The following MAST2 variants were observed in gnomAD, a reference collection of about 807,000 sequenced individuals.
MAST2 encodes microtubule-associated serine/threonine-protein kinase 2.
A neutral mutation model predicts 147.4 loss-of-function variants in MAST2; 70 were observed. That is an observed-to-expected ratio of 0.47 (90% confidence interval 0.39 to 0.58). The LOEUF is 0.58. Among genes scored for constraint, MAST2 ranks in the 20% least tolerant of loss-of-function variants. The probability of loss-of-function intolerance (pLI) is 0.00; values close to 1 mark genes in which losing one functional copy is unlikely to be tolerated. For missense variants in MAST2, 2,080 were observed against 2,302.3 expected, an observed-to-expected ratio of 0.90 and a Z score of 1.98; for synonymous variants, 869 against 896.8, an observed-to-expected ratio of 0.97 and a Z score of 0.55.
chr1:45,955,907 T>A (rs1224367330), intron 4 of MAST2, among the ~76,000 whole-genome samples: 1 of 152,178 alleles, frequency 6.6e-6, no homozygotes, highest in African/African-American at 2.4e-5. Flanking sequence ...TGTATAGTTT[T>A]ATTGAGGTAT....
At chr1:46,022,304 T>C (rs4660336) in intron 12 of MAST2, among the ~76,000 whole-genome samples, 100,536 of 152,124 alleles carry the variant, frequency 0.66, 33,612 homozygotes, top group Non-Finnish European at 0.71. Flanking sequence ...TGGATTGCAT[T>C]GGCCCGGCTG....
In MAST2 at chr1:46,023,470, G is replaced by A; in HGVS notation, c.1571+152G>A. On this transcript the variant is annotated intron_variant, in intron 14 of 28. Coordinates refer to ENST00000361297, the MANE Select transcript of MAST2 (RefSeq NM_015112.3). The surrounding 1 kb of genome is among the most constrained non-coding windows in gnomAD (Gnocchi z 4.9). ...AGCCTCCTGGGTGGGCAGGAGTTCAGATTCCTCTGACATCCGATCATTGTT... is the reference window on the plus strand; with the variant it reads ...AGCCTCCTGGGTGGGCAGGAGTTCAAATTCCTCTGACATCCGATCATTGTT... The A allele has an allele frequency of 1.4e-6, 1 of 693,312 alleles. No individual in the cohort carries two copies. Among genetic ancestry groups the A allele is most frequent in the Non-Finnish European group, 2.5e-6 (1 of 396,272 alleles). The allele number at this position is 693,312 out of a possible 1,614,324, so 42.9% of individuals were successfully genotyped here. A position where few individuals can be genotyped will look rare whatever the true frequency, so the allele number is the denominator to read the frequency against.
chr1:46,006,622 A>G (rs1486744182), intron 8 of MAST2: 3 of 339,454 alleles, frequency 8.8e-6, no homozygotes, highest in South Asian at 1.2e-4. Context: ...GTAGCAGGCC[A>G]TAGTTAGTCT....
intron 4 of MAST2, among the ~76,000 whole-genome samples, chr1:45,949,801 A>G (rs540367880): frequency 2.0e-5 from 3 of 152,316 alleles, no homozygotes; most frequent in South Asian, 4.1e-4. Context: ...CACATTAGCA[A>G]AGACATGGAA....
At chr1:45,991,075 A>G (rs1344250243) in intron 5 of MAST2, among the ~76,000 whole-genome samples, 1 of 152,178 alleles carries the variant, frequency 6.6e-6, no homozygotes, top group Non-Finnish European at 1.5e-5. Flanking sequence ...AATTTTTGTA[A>G]AAGGTTGTAT....
At chr1:45,935,434 A>G (rs548501532) in intron 4 of MAST2, among the ~76,000 whole-genome samples, 5 of 152,104 alleles carry the variant, frequency 3.3e-5, no homozygotes, top group African/African-American at 9.6e-5. Flanking sequence ...TTCTGTTGCA[A>G]TTGCTTTTGG....
Position 46,016,306 on chromosome 1 carries a change from A to G in MAST2, c.1189-3290A>G, listed in dbSNP as rs1002271629. 6.0e-4 allele frequency among the ~76,000 whole-genome samples: 91 copies of G among 150,612 alleles called. 1 individual carries two copies. Among genetic ancestry groups the G allele is most frequent in the African/African-American group, 2.1e-3 (86 of 40,916 alleles). ...TGCCCTCTCTGACCACTCCTATTCA[A>G]CATAGTTTTGGAAGTTCTGGCCAGG... On this transcript the variant is annotated intron_variant, in intron 10 of 28. Transcript: ENST00000361297.
intron 1 of MAST2, among the ~76,000 whole-genome samples, chr1:45,813,521 G>A (rs567467003): frequency 7.3e-6 from 1 of 137,900 alleles, no homozygotes; most frequent in African/African-American, 2.7e-5. Flanking sequence ...TTTTTGAGAC[G>A]AAGTTTTGCT....
At chr1:45,807,477 C>T (rs1325294006) in intron 1 of MAST2, among the ~76,000 whole-genome samples, 2 of 151,768 alleles carry the variant, frequency 1.3e-5, no homozygotes, top group Non-Finnish European at 2.9e-5. Flanking sequence ...TTCCTTAGCT[C>T]TACATTTCCA....
In MAST2 at chr1:46,028,914, C is replaced by T. The variant is rs1418911119; in HGVS notation, c.2199C>T (p.Leu733=). 1 of 1,600,282 alleles carries T rather than the reference C, an allele frequency of 6.2e-7. No individual in the cohort carries two copies. Among genetic ancestry groups the T allele is most frequent in the South Asian group, 1.1e-5 (1 of 88,236 alleles). Residue 733 remains leucine, a synonymous_variant, in exon 18 of 29, where the codon CTC becomes CTT. Coordinates refer to ENST00000361297, the MANE Select transcript of MAST2 (RefSeq NM_015112.3). ...TTTTTGGAGATACTCCGGAGGAGCT[C>T]TTTGGGCAGGTGATCAGTGGTAGGT... The part of the protein sequence containing the change: ...VPFFGDTPEE[L]FGQVISDEIV...
At position 46,022,950 on chromosome 1, in the gene MAST2, A is replaced by G. The variant is rs755058784; in HGVS notation, c.1464A>G (p.Pro488=). 2.5e-6 allele frequency: 4 copies of G among 1,614,140 alleles called. No homozygotes were observed. Among genetic ancestry groups the G allele is most frequent in the Non-Finnish European group, 3.4e-6 (4 of 1,179,980 alleles). Residue 488 remains proline (P), a synonymous_variant, in exon 13 of 29, where the codon CCA becomes CCG. Coordinates refer to ENST00000361297, the MANE Select transcript of MAST2 (RefSeq NM_015112.3). Reference sequence around the variant, plus strand: ...GCAGCTGTGACAGTCCTGACACTCCAGAGACAGATGATTCTATTGAGGTAA... The same window carrying G: ...GCAGCTGTGACAGTCCTGACACTCCGGAGACAGATGATTCTATTGAGGTAA... ...QLSSCDSPDT[P]ETDDSIEGHG...
Position 46,022,008 on chromosome 1 carries a change from A to T in MAST2, c.1349A>T (p.Glu450Val), listed in dbSNP as rs773913950. Residue 450 changes from glutamate to valine, a missense_variant, in exon 12 of 29, where the codon GAG becomes GTG. Coordinates refer to ENST00000361297, the MANE Select transcript of MAST2 (RefSeq NM_015112.3). ...LLEAAEGHAKEGQGIKCDIPR... is the reference protein window; with the variant it reads ...LLEAAEGHAKVGQGIKCDIPR... ...GAAGCAGCTGAGGGCCACGCCAAAG[A>T]GGGACAAGGGATTAAATGTGACATT... 52 of 1,614,080 alleles carry T rather than the reference A, an allele frequency of 3.2e-5. No individual in the cohort carries two copies. The highest frequency in any genetic ancestry group is 4.3e-5 in the Non-Finnish European group (51 of 1,180,036).
chr1:45,976,452 C>A (rs1157574949), intron 5 of MAST2, among the ~76,000 whole-genome samples: 1 of 152,136 alleles, frequency 6.6e-6, no homozygotes, highest in Non-Finnish European at 1.5e-5. Context: ...CAAAAATTAT[C>A]CAGGCATAGT....
At chr1:45,913,863 C>T (rs902907167) in intron 4 of MAST2, 2 of 1,243,998 alleles carry the variant, frequency 1.6e-6, no homozygotes, top group East Asian at 6.9e-5. Flanking sequence ...ACTGGGAGCA[C>T]CATGTCTGCG....
chr1:45,954,887 AAT>A (rs1175178509), intron 4 of MAST2, among the ~76,000 whole-genome samples: 1 of 152,246 alleles, frequency 6.6e-6, no homozygotes, highest in African/African-American at 2.4e-5. Flanking sequence ...ATGAAGCTGG[AAT>A]TAATTATCCG....
At chr1:45,846,754 G>A (rs1442475406) in intron 3 of MAST2, among the ~76,000 whole-genome samples, 4 of 151,824 alleles carry the variant, frequency 2.6e-5, no homozygotes, top group African/African-American at 9.7e-5. Flanking sequence ...GAACCTGGGA[G>A]GCAGAGGTTG....
chr1:45,881,286 C>A (rs1473367418), intron 3 of MAST2, among the ~76,000 whole-genome samples: 5 of 152,156 alleles, frequency 3.3e-5, no homozygotes, highest in Non-Finnish European at 5.9e-5. Flanking sequence ...ATAGACTGGA[C>A]CACTGTCTGA....
rs1212909665 is a variant in MAST2, at chr1:45,803,646, G to A, written c.-250G>A. The A allele has an allele frequency of 1.5e-5, 4 of 275,036 alleles. No individual in the cohort carries two copies. Among genetic ancestry groups the A allele is most frequent in the African/African-American group, 8.9e-5 (4 of 44,740 alleles). The allele number at this position is 275,036 out of a possible 1,614,324, so 17.0% of individuals were successfully genotyped here. On this transcript the variant is annotated 5_prime_UTR_variant, in exon 1 of 29. Coordinates refer to ENST00000361297, the MANE Select transcript of MAST2 (RefSeq NM_015112.3). Reference sequence around the variant, plus strand: ...CGGCTGAGCCGGCGGCGGGTGGCCTGCCCAACGTGTGCTGGGTGGGAGAAG... The same window carrying A: ...CGGCTGAGCCGGCGGCGGGTGGCCTACCCAACGTGTGCTGGGTGGGAGAAG...
intron 3 of MAST2, among the ~76,000 whole-genome samples, chr1:45,835,488 A>G (rs1645077242): frequency 6.6e-6 from 1 of 152,186 alleles, no homozygotes; most frequent in African/African-American, 2.4e-5. Context: ...AATTGGGAAT[A>G]TTTCTAACCA....
Sources: allele counts gnomAD v4.1 joint callset (sites outside exome capture counted in the v4.1 genomes callset), GRCh38; gene constraint gnomAD v4.1.1; non-coding constraint Gnocchi (gnomAD v3.1); transcripts MANE v1.5; gene names NCBI Gene and HGNC (gene_info 2026-07-23, HGNC 2026-07-21).